DSCAM: variants seen among roughly 807,000 people sequenced by gnomAD.
The protein encoded by DSCAM is cell adhesion molecule DSCAM.
Under a neutral mutation model 217.7 loss-of-function variants are expected in DSCAM, and 47 were observed. The observed-to-expected ratio is 0.22, with a 90% CI of 0.17 to 0.28. DSCAM has a LOEUF of 0.28. Ranked by LOEUF, DSCAM falls within the 10% of genes least tolerant of loss-of-function variation. The pLI is 1.00. For synonymous variants in DSCAM, 1,056 were observed against 1,015.3 expected, an observed-to-expected ratio of 1.04 and a Z score of -0.76; for missense variants, 2,080 against 2,618.3, an observed-to-expected ratio of 0.79 and a Z score of 4.49.
chr21:40,167,503 G>A lies in DSCAM; in HGVS notation c.2948-215C>T, dbSNP rs76070303. Among the ~76,000 whole-genome samples the A allele has an allele frequency of 6.0e-4, 91 of 152,252 alleles. 1 individual carries two copies. In the East Asian group the frequency reaches 0.016, roughly 27 times the overall value. ...GCTCTTTGGAAACATGAATCTTGGGGACCTATCATGGTATTCCTTCTCACC... is the reference window on the plus strand; with the variant it reads ...GCTCTTTGGAAACATGAATCTTGGGAACCTATCATGGTATTCCTTCTCACC... On this transcript the variant is annotated intron_variant, in intron 15 of 32. Transcript: ENST00000400454.
intron 3 of DSCAM, among the ~76,000 whole-genome samples, chr21:40,519,855 T>G (rs1032186452): frequency 1.4e-5 from 2 of 146,586 alleles, no homozygotes; most frequent in Non-Finnish European, 3.0e-5. Flanking sequence ...TCTCTCTGTG[T>G]GTGTGTATGC....
chr21:40,408,798 C>A (rs2075299643), intron 3 of DSCAM, among the ~76,000 whole-genome samples: 1 of 152,140 alleles, frequency 6.6e-6, no homozygotes. Context: ...TCACTGTGTG[C>A]CCCATGATGC....
chr21:40,264,629 G>T (rs1258063330), intron 11 of DSCAM, among the ~76,000 whole-genome samples: 1 of 152,134 alleles, frequency 6.6e-6, no homozygotes. Context: ...AAAGCTGAAA[G>T]CATTCAACTG....
At chr21:40,383,537 C>T (rs2075048638) in intron 3 of DSCAM, 1 of 152,198 alleles carries the variant, frequency 6.6e-6, no homozygotes, top group African/African-American at 2.4e-5. Context: ...GTTATCCACT[C>T]ACTGACTTAG....
At chr21:40,686,351 A>C (rs2090477683) in intron 3 of DSCAM, among the ~76,000 whole-genome samples, 1 of 150,942 alleles carries the variant, frequency 6.6e-6, no homozygotes, top group South Asian at 2.1e-4. Context: ...CCCACATGCC[A>C]CACACACACC....
chr21:40,801,021 G>T lies in DSCAM; in HGVS notation c.43+45598C>A, dbSNP rs532898921. Reference sequence around the variant, plus strand: ...GGCTGGAGTGCAGTGGCTTGATCTTGGCTCACTGCAACCTCCGCCTTCAGA... The same window carrying T: ...GGCTGGAGTGCAGTGGCTTGATCTTTGCTCACTGCAACCTCCGCCTTCAGA... On this transcript the variant is annotated intron_variant, in intron 1 of 32. Coordinates refer to ENST00000400454, the MANE Select transcript of DSCAM (RefSeq NM_001389.5). Among the ~76,000 whole-genome samples, 69 of 149,250 alleles carry T rather than the reference G, an allele frequency of 4.6e-4. 1 individual carries two copies. In the South Asian group the frequency reaches 0.015, roughly 32 times the overall value.
intron 14 of DSCAM, among the ~76,000 whole-genome samples, chr21:40,181,699 G>T (rs940966136): frequency 1.3e-5 from 2 of 151,414 alleles, no homozygotes; most frequent in African/African-American, 4.9e-5. Flanking sequence ...AATCTCGTAT[G>T]CCTAGAAGAA....
At chr21:40,716,165 A>G (rs1184317706) in intron 1 of DSCAM, among the ~76,000 whole-genome samples, 3 of 152,204 alleles carry the variant, frequency 2.0e-5, no homozygotes, top group Non-Finnish European at 4.4e-5. Flanking sequence ...CACAGGGTTT[A>G]ATAATGTAAC....
chr21:40,410,491 C>T (rs2075313336), intron 3 of DSCAM, among the ~76,000 whole-genome samples: 1 of 151,056 alleles, frequency 6.6e-6, no homozygotes, highest in Non-Finnish European at 1.5e-5. Flanking sequence ...TAAATAGTTC[C>T]AAAGTTGATG....
intron 11 of DSCAM, among the ~76,000 whole-genome samples, chr21:40,265,621 C>T (rs2073516052): frequency 6.6e-6 from 1 of 152,074 alleles, no homozygotes; most frequent in Non-Finnish European, 1.5e-5. Flanking sequence ...ATTAAAACAC[C>T]ATTGTAATGA....
chr21:40,366,175 A>G (rs1266216632), intron 4 of DSCAM, among the ~76,000 whole-genome samples: 2 of 152,104 alleles, frequency 1.3e-5, no homozygotes. Context: ...ATATGTAGTC[A>G]TTATGCATTC....
chr21:40,812,571 C>T (rs541001523), intron 1 of DSCAM, among the ~76,000 whole-genome samples: 1 of 152,246 alleles, frequency 6.6e-6, no homozygotes, highest in South Asian at 2.1e-4. Context: ...TATTTGTGGG[C>T]CACAGAGGGA....
intron 11 of DSCAM, among the ~76,000 whole-genome samples, chr21:40,205,950 C>A (rs2091120943): frequency 6.6e-6 from 1 of 152,192 alleles, no homozygotes; most frequent in Admixed American, 6.5e-5. Flanking sequence ...GGTTTTACCA[C>A]ATTTGGCCTT....
chr21:40,068,643 T>G (rs936299883), intron 27 of DSCAM, among the ~76,000 whole-genome samples: 14 of 152,180 alleles, frequency 9.2e-5, no homozygotes, highest in Non-Finnish European at 1.9e-4. Context: ...GACAACCTGT[T>G]TCTTACTTGA....
chr21:40,257,639 T>C (rs943313202), intron 11 of DSCAM, among the ~76,000 whole-genome samples: 1 of 152,028 alleles, frequency 6.6e-6, no homozygotes, highest in Non-Finnish European at 1.5e-5. Flanking sequence ...ATTACTACAA[T>C]CCCAATTTTT....
At chr21:40,593,017 A>G (rs1164521896) in intron 3 of DSCAM, among the ~76,000 whole-genome samples, 1 of 152,248 alleles carries the variant, frequency 6.6e-6, no homozygotes, top group African/African-American at 2.4e-5. Context: ...TTGAAGAGCC[A>G]AAATAGTTTC....
At chr21:40,706,193 A>AAAG (rs1555882497) in intron 2 of DSCAM, among the ~76,000 whole-genome samples, 17 of 148,954 alleles carry the variant, frequency 1.1e-4, no homozygotes, top group African/African-American at 3.2e-4. Flanking sequence ...AAAAAAAAAA[A>AAAG]AAAGAAAGAA....
intron 3 of DSCAM, among the ~76,000 whole-genome samples, chr21:40,614,251 A>G (rs2146283972): frequency 6.6e-6 from 1 of 152,350 alleles, no homozygotes; most frequent in South Asian, 2.1e-4. Flanking sequence ...TTTTAGAGTC[A>G]AGAAATTTTT....
chr21:40,598,997 T>C (rs2077042794), intron 3 of DSCAM, among the ~76,000 whole-genome samples: 1 of 152,228 alleles, frequency 6.6e-6, no homozygotes, highest in African/African-American at 2.4e-5. Context: ...TTCTGTGTCT[T>C]CTTAGGTGAG....
Sources: gnomAD v4.1 joint callset for allele counts (sites outside exome capture counted in the v4.1 genomes callset) on GRCh38, gnomAD v4.1.1 for gene constraint, MANE v1.5 for transcripts, NCBI Gene and HGNC (gene_info 2026-07-23, HGNC 2026-07-21) for gene names.